PTPRN2: variants seen among roughly 807,000 people sequenced by gnomAD.
PTPRN2 encodes the protein protein tyrosine phosphatase receptor type N2.
In PTPRN2, 74 loss-of-function variants were observed where a neutral mutation model predicts 118.8. That is an observed-to-expected ratio of 0.62 (90% CI 0.52 to 0.76). PTPRN2 has a LOEUF of 0.76. Ranked by LOEUF, PTPRN2 falls within the 30% of genes least tolerant of loss-of-function variation. The pLI, the probability that PTPRN2 is intolerant of heterozygous loss-of-function variation, is 0.00. For synonymous variants in PTPRN2, 641 were observed against 608.0 expected (o/e 1.05, Z -0.80); for missense variants, 1,481 against 1,394.4 (o/e 1.06, Z -0.99).
chr7:158,499,315 G>A lies in PTPRN2; in HGVS notation c.113-9530C>T, dbSNP rs1287091742. 3.9e-5 allele frequency among the ~76,000 whole-genome samples: 6 copies of A among 152,142 alleles called. 1 individual carries two copies. The highest frequency in any genetic ancestry group is 7.2e-5 in the African/African-American group (3 of 41,408). On this transcript the variant is annotated intron_variant, in intron 1 of 22. Transcript: ENST00000389418. ...TTTCCAAAGCACTCCCTGGTGACTC[G>A]TCCGCTGGGCTGCCCACCACACTGA... is the stretch of plus-strand genomic sequence containing the variant.
chr7:158,098,986 G>A (rs978257442), intron 10 of PTPRN2, among the ~76,000 whole-genome samples: 2 of 35,256 alleles, frequency 5.7e-5, no homozygotes, highest in East Asian at 5.3e-4. Flanking sequence ...TCCGCATCCC[G>A]GCTGCCTCCC....
chr7:157,852,562 T>C (rs2151207699), intron 12 of PTPRN2, among the ~76,000 whole-genome samples: 1 of 152,322 alleles, frequency 6.6e-6, no homozygotes, highest in South Asian at 2.1e-4. Flanking sequence ...AGATTTTGTT[T>C]TCTCCTGCTT....
chr7:158,347,272 A>G (rs1386742066), intron 2 of PTPRN2, among the ~76,000 whole-genome samples: 1 of 152,170 alleles, frequency 6.6e-6, no homozygotes, highest in Non-Finnish European at 1.5e-5. Context: ...GAGTTTTTGT[A>G]TGTGGTGAGA....
rs537227103 is a variant in PTPRN2 at position 157,953,308 on chromosome 7, T to C, written c.1724-54571A>G. On this transcript the variant is annotated intron_variant, in intron 11 of 22. Transcript: ENST00000389418. This position sits in a 1 kb window ranked among gnomAD's most constrained non-coding sequence, Gnocchi z 4.6. ...CTTCCTAGGGCCTGTGTCTCTGGAG[T>C]GCACGAGGCAGATGGATGGAGACGT... Among the ~76,000 whole-genome samples, 1 of 152,010 alleles carries C rather than the reference T, an allele frequency of 6.6e-6. No homozygotes were observed. Among genetic ancestry groups the C allele is most frequent in the African/African-American group, 2.4e-5 (1 of 41,454 alleles).
chr7:158,050,519 C>T (rs1809245544), intron 11 of PTPRN2, among the ~76,000 whole-genome samples: 1 of 152,206 alleles, frequency 6.6e-6, no homozygotes, highest in South Asian at 2.1e-4. Flanking sequence ...AGACAGTCCT[C>T]TGGTTCTCTC....
At chr7:157,548,706 C>T (rs371365812) in intron 22 of PTPRN2, among the ~76,000 whole-genome samples, 1 of 152,266 alleles carries the variant, frequency 6.6e-6, no homozygotes, top group Non-Finnish European at 1.5e-5. Flanking sequence ...GCCAGTGGAT[C>T]GAGTTCCTAG....
Position 157,813,082 on chromosome 7 carries a change from G to T in PTPRN2, c.1788+85591C>A, listed in dbSNP as rs148026215. Among the ~76,000 whole-genome samples the T allele has an allele frequency of 1.3e-5, 2 of 152,126 alleles. No individual in the cohort carries two copies. Among genetic ancestry groups the T allele is most frequent in the Non-Finnish European group, 2.9e-5 (2 of 68,036 alleles). ...TGCTCAAATGACTGTGACACGTGCC[G>T]TGTATCTGCAAAGACCTGTGCCGTG... On this transcript the variant is annotated intron_variant, in intron 12 of 22. Transcript: ENST00000389418. The surrounding 1 kb of genome is among the most constrained non-coding windows in gnomAD (Gnocchi z 4.7).
rs544512931 is a variant in PTPRN2 at position 158,384,648 on chromosome 7, G to T, written c.164-67716C>A. On this transcript the variant is annotated intron_variant, in intron 2 of 22. Coordinates refer to ENST00000389418, the MANE Select transcript of PTPRN2 (RefSeq NM_002847.5). ...GAGGGATTAAGCCAGAAGGGTGTTT[G>T]TGGGAGGGAATGAACCTTCCCTTCA... is the stretch of plus-strand genomic sequence containing the variant. Among the ~76,000 whole-genome samples, 14 of 152,304 alleles carry T rather than the reference G, an allele frequency of 9.2e-5. No individual in the cohort carries two copies. The South Asian group carries it at 2.1e-3, about 23-fold the overall frequency.
intron 2 of PTPRN2, among the ~76,000 whole-genome samples, chr7:158,456,463 C>T (rs1818510033): frequency 6.6e-6 from 1 of 151,036 alleles, no homozygotes; most frequent in South Asian, 2.1e-4. Context: ...GCACGGACGC[C>T]ATCGGCAATG....
intron 1 of PTPRN2, among the ~76,000 whole-genome samples, chr7:158,514,643 AAAG>A (rs1273908811): frequency 2.0e-5 from 3 of 152,158 alleles, no homozygotes; most frequent in Non-Finnish European, 2.9e-5. Context: ...AAGAGAAACA[AAAG>A]AAGGATACCT....
At chr7:157,645,374 G>C (rs1011296631) in intron 14 of PTPRN2, among the ~76,000 whole-genome samples, 1 of 152,238 alleles carries the variant, frequency 6.6e-6, no homozygotes, top group African/African-American at 2.4e-5. Context: ...CTGAGGCTGG[G>C]AGACCTGGGA....
intron 19 of PTPRN2, among the ~76,000 whole-genome samples, chr7:157,571,794 C>A (rs1428905539): frequency 6.6e-6 from 1 of 152,214 alleles, no homozygotes; most frequent in East Asian, 1.9e-4. Flanking sequence ...CCCACCCCTG[C>A]AGGCTCTCCT....
intron 11 of PTPRN2, among the ~76,000 whole-genome samples, chr7:158,079,139 G>A (rs117715669): frequency 4.5e-4 from 68 of 152,242 alleles, no homozygotes; most frequent in Non-Finnish European, 6.8e-4. Flanking sequence ...CACTGCACCC[G>A]GCCAATCTGT....
At chr7:157,832,339 C>T (rs371259929) in intron 12 of PTPRN2, among the ~76,000 whole-genome samples, 2 of 152,176 alleles carry the variant, frequency 1.3e-5, no homozygotes, top group Non-Finnish European at 2.9e-5. Flanking sequence ...GTGGCTCCTC[C>T]GACAGGCGGC....
At chr7:157,984,194 G>C (rs1005931038) in intron 11 of PTPRN2, among the ~76,000 whole-genome samples, 12 of 151,798 alleles carry the variant, frequency 7.9e-5, no homozygotes, top group African/African-American at 2.9e-4. Context: ...GTGTAAACCA[G>C]CGTCCCTGCC....
rs1017819247 is a variant in PTPRN2, at chr7:157,763,867, G to A, written c.1789-80930C>T. ...CCATGTGGCTGCCCCATCCCCCAGAGCACCACGGTGCCCACCTTTTGTTTT... is the reference window on the plus strand; with the variant it reads ...CCATGTGGCTGCCCCATCCCCCAGAACACCACGGTGCCCACCTTTTGTTTT... On this transcript the variant is annotated intron_variant, in intron 12 of 22. Coordinates refer to ENST00000389418, the MANE Select transcript of PTPRN2 (RefSeq NM_002847.5). The surrounding 1 kb of genome is among the most constrained non-coding windows in gnomAD (Gnocchi z 4.9). Among the ~76,000 whole-genome samples, 2 of 152,066 alleles carry A rather than the reference G, an allele frequency of 1.3e-5. No individual in the cohort carries two copies. Among genetic ancestry groups the A allele is most frequent in the Non-Finnish European group, 2.9e-5 (2 of 68,014 alleles).
At chr7:158,115,588 T>C (rs1816667650) in intron 9 of PTPRN2, among the ~76,000 whole-genome samples, 1 of 152,072 alleles carries the variant, frequency 6.6e-6, no homozygotes, top group African/African-American at 2.4e-5. Flanking sequence ...CAGTGCCCTC[T>C]ACAAGAGGCT....
At chr7:158,155,466 TCATCAC>T (rs1290028725) in intron 6 of PTPRN2, among the ~76,000 whole-genome samples, 4 of 149,684 alleles carry the variant, frequency 2.7e-5, no homozygotes, top group South Asian at 4.3e-4. Context: ...ATCACCATCA[TCATCAC>T]CATCACCATC....
chr7:157,829,779 G>A (rs551696328), intron 12 of PTPRN2, among the ~76,000 whole-genome samples: 3 of 152,202 alleles, frequency 2.0e-5, no homozygotes, highest in Non-Finnish European at 4.4e-5. Flanking sequence ...AAAAGCCCTG[G>A]CCCGACTCCT....
Sources: gnomAD v4.1 joint callset for allele counts (sites outside exome capture counted in the v4.1 genomes callset) on GRCh38, gnomAD v4.1.1 for gene constraint, Gnocchi (gnomAD v3.1) non-coding constraint, MANE v1.5 for transcripts, NCBI Gene and HGNC (gene_info 2026-07-23, HGNC 2026-07-21) for gene names.